Variants in ZNF385D observed in about 807,000 individuals in gnomAD.
The protein encoded by ZNF385D is zinc finger protein 385D, also known as zinc finger protein 659.
ZNF385D carries 15 observed loss-of-function variants against 35.8 expected under a neutral mutation model. That is an observed-to-expected ratio of 0.42 (90% CI 0.28 to 0.64). The LOEUF (loss-of-function observed/expected upper bound fraction) is 0.64, where lower values mean the gene tolerates loss of function less well. Among genes scored for constraint, ZNF385D ranks in the 30% least tolerant of loss-of-function variants. ZNF385D has a pLI of 0.23. For missense variants in ZNF385D, 474 were observed against 494.6 expected (o/e 0.96, Z 0.39); for synonymous variants, 212 against 186.8 (o/e 1.13, Z -1.10).
intron 3 of ZNF385D, among the ~76,000 whole-genome samples, chr3:22,078,893 G>A (rs1442594385): frequency 1.3e-5 from 2 of 151,918 alleles, no homozygotes; most frequent in African/African-American, 4.8e-5. Context: ...ATACAATAAT[G>A]TTATTTCTAA....
chr3:22,059,419 T>G (rs561627369), intron 3 of ZNF385D, among the ~76,000 whole-genome samples: 1 of 152,296 alleles, frequency 6.6e-6, no homozygotes, highest in South Asian at 2.1e-4. Flanking sequence ...TTTCTTAACA[T>G]CAACACCAAC....
intron 2 of ZNF385D, among the ~76,000 whole-genome samples, chr3:21,601,610 G>A (rs996325150): frequency 1.8e-4 from 28 of 152,186 alleles, no homozygotes; most frequent in African/African-American, 6.5e-4. Context: ...TCTAAGGAAA[G>A]CAAATTTTAG....
chr3:21,890,764 A>G (rs1180819835), intron 3 of ZNF385D, among the ~76,000 whole-genome samples: 1 of 152,246 alleles, frequency 6.6e-6, no homozygotes, highest in Non-Finnish European at 1.5e-5. Flanking sequence ...AAGCAGCAGA[A>G]GAATTGCTGA....
intron 3 of ZNF385D, among the ~76,000 whole-genome samples, chr3:21,816,435 T>C (rs542727536): frequency 7.2e-5 from 11 of 152,256 alleles, no homozygotes; most frequent in South Asian, 2.1e-4. Context: ...AAAACCCCAT[T>C]GTCTCAGCCC....
At position 22,184,578 on chromosome 3, in the gene ZNF385D, C is replaced by A. The variant is rs527707719; in HGVS notation, c.107-15543G>T. ...CAGTGGCTCATGCCTGTAATCCCAG[C>A]ACTTTGGGAGGCCGAAGAGGGTGGA... On this transcript the variant is annotated intron_variant, in intron 2 of 5. Coordinates refer to the ZNF385D transcript ENST00000494108. Among the ~76,000 whole-genome samples, 4 of 152,222 alleles carry A rather than the reference C, an allele frequency of 2.6e-5. No homozygotes were observed. The East Asian group carries it at 5.8e-4, about 22-fold the overall frequency.
intron 2 of ZNF385D, among the ~76,000 whole-genome samples, chr3:22,297,385 G>A (rs1702646508): frequency 6.6e-6 from 1 of 152,094 alleles, no homozygotes; most frequent in Admixed American, 6.6e-5. Context: ...CCTAGGGAAA[G>A]GACTCACACA....
intron 3 of ZNF385D, among the ~76,000 whole-genome samples, chr3:22,122,712 G>T (rs1222830784): frequency 2.0e-5 from 3 of 152,126 alleles, no homozygotes; most frequent in African/African-American, 7.2e-5. Context: ...TTTGGATATG[G>T]AAAGTACCAA....
intron 3 of ZNF385D, among the ~76,000 whole-genome samples, chr3:22,035,618 G>A (rs1159489341): frequency 6.6e-6 from 1 of 152,198 alleles, no homozygotes; most frequent in African/African-American, 2.4e-5. Context: ...AGCAGAGGCA[G>A]AGAAAGTTAA....
At chr3:22,017,187 C>T (rs1352878337) in intron 3 of ZNF385D, among the ~76,000 whole-genome samples, 1 of 151,886 alleles carries the variant, frequency 6.6e-6, no homozygotes, top group Non-Finnish European at 1.5e-5. Flanking sequence ...AATTAAAACC[C>T]ATTTCTCTTC....
At position 21,915,656 on chromosome 3, in the gene ZNF385D, C is replaced by A. The variant is rs149033954; in HGVS notation, c.326-250628G>T. Among the ~76,000 whole-genome samples, 115 of 152,096 alleles carry A rather than the reference C, an allele frequency of 7.6e-4. 2 individuals are homozygous for A. Among genetic ancestry groups the A allele is most frequent in the African/African-American group, 2.7e-3 (114 of 41,512 alleles). On this transcript the variant is annotated intron_variant, in intron 3 of 5. Transcript: ENST00000494108. ...CATACACAAAGAAAAAAAACAAAAA[C>A]AACAAAGTGCTTTATATCCCAGTAC...
At chr3:21,627,998 A>G (rs747084402) in intron 2 of ZNF385D, among the ~76,000 whole-genome samples, 1 of 152,156 alleles carries the variant, frequency 6.6e-6, no homozygotes. Context: ...TATATTAATA[A>G]TCTTTTGTCT....
intron 3 of ZNF385D, among the ~76,000 whole-genome samples, chr3:21,776,561 T>C (rs2071297922): frequency 6.6e-6 from 1 of 151,980 alleles, no homozygotes; most frequent in Non-Finnish European, 1.5e-5. Flanking sequence ...ATTTTGTGAA[T>C]TTGTCTTCCT....
intron 4 of ZNF385D, among the ~76,000 whole-genome samples, chr3:21,446,511 T>TTTTTTTTA (rs1702160776): frequency 6.8e-6 from 1 of 146,326 alleles, no homozygotes; most frequent in South Asian, 2.2e-4. Flanking sequence ...TTTTTTTTTT[T>TTTTTTTTA]GAGACAGAGT....
chr3:21,810,388 G>C (rs139758796), intron 3 of ZNF385D, among the ~76,000 whole-genome samples: 6,018 of 151,854 alleles, frequency 0.04, 403 homozygotes, highest in African/African-American at 0.14. Context: ...GTGGGGGCTG[G>C]GGGAGGGATA....
chr3:21,610,117 G>C (rs988439927), intron 2 of ZNF385D, among the ~76,000 whole-genome samples: 1 of 147,218 alleles, frequency 6.8e-6, no homozygotes, highest in Non-Finnish European at 1.5e-5. Flanking sequence ...AAATTATAAG[G>C]ACAATTTAGG....
At chr3:21,983,487 C>T (rs1418420107) in intron 3 of ZNF385D, among the ~76,000 whole-genome samples, 1 of 128,654 alleles carries the variant, frequency 7.8e-6, no homozygotes, top group Admixed American at 8.3e-5. Context: ...CTACAAAGGA[C>T]ATGAACTCAT....
At chr3:22,061,392 G>T (rs1310286383) in intron 3 of ZNF385D, among the ~76,000 whole-genome samples, 3 of 151,912 alleles carry the variant, frequency 2.0e-5, no homozygotes, top group Non-Finnish European at 4.4e-5. Flanking sequence ...CTAAGACATT[G>T]TTACCCCTAG....
At chr3:21,641,963 G>T (rs1464428535) in intron 2 of ZNF385D, among the ~76,000 whole-genome samples, 1 of 152,100 alleles carries the variant, frequency 6.6e-6, no homozygotes, top group Non-Finnish European at 1.5e-5. Context: ...TGAAGGCAAG[G>T]CATGTCCAAC....
At chr3:21,750,853 G>C (rs2070039932) in intron 1 of ZNF385D, 42 bp downstream of exon 1, 1 of 1,611,698 alleles carries the variant, frequency 6.2e-7, no homozygotes, top group East Asian at 2.2e-5. Flanking sequence ...CGGATGAAGA[G>C]CCGGACACCC....
Sources: gnomAD v4.1 joint callset for allele counts (sites outside exome capture counted in the v4.1 genomes callset) on GRCh38, gnomAD v4.1.1 for gene constraint, MANE v1.5 for transcripts, NCBI Gene and HGNC (gene_info 2026-07-23, HGNC 2026-07-21) for gene names.